SETX: variants seen among roughly 807,000 people sequenced by gnomAD.
SETX encodes the protein senataxin, also known as helicase senataxin.
Under a neutral mutation model 227.2 loss-of-function variants are expected in SETX, and 90 were observed. The observed-to-expected ratio is 0.40, with a 90% CI of 0.33 to 0.47. The LOEUF is 0.47. Among genes scored for constraint, SETX ranks in the 20% least tolerant of loss-of-function variants. The probability of loss-of-function intolerance (pLI) is 0.91; values close to 1 mark genes in which losing one functional copy is unlikely to be tolerated. For synonymous variants in SETX, 1,210 were observed against 1,113.2 expected (o/e 1.09, Z -1.73); for missense variants, 3,052 against 3,181.5 (o/e 0.96, Z 0.98).
intron 5 of SETX, among the ~76,000 whole-genome samples, chr9:132,338,471 G>A (rs1425548345): frequency 6.6e-6 from 1 of 152,138 alleles, no homozygotes; most frequent in African/African-American, 2.4e-5. Flanking sequence ...ACAATGAAAT[G>A]TTCCAGATTA....
chr9:132,307,047 A>C (rs1013339582), intron 11 of SETX, among the ~76,000 whole-genome samples: 2 of 152,148 alleles, frequency 1.3e-5, no homozygotes, highest in African/African-American at 4.8e-5. Context: ...CTGAGGTCAG[A>C]AGTTCAAGAC....
In SETX at chr9:132,286,301, C is replaced by G. The variant is rs116926815; in HGVS notation, c.6396+122G>C. ...TGCCACTGCACCCCAGCCTGAGAGA[C>G]AGAGTGAGACTCTGTCTCCAAAATA... On this transcript the variant is annotated intron_variant, in intron 18 of 25. Coordinates refer to ENST00000224140, the MANE Select transcript of SETX (RefSeq NM_015046.7). The G allele has an allele frequency of 2.9e-3, 2,090 of 717,844 alleles. 54 individuals carry two copies. The East Asian group carries it at 0.042, about 14-fold the overall frequency. 44.5% of individuals were successfully genotyped at this position (717,844 alleles called of 1,614,324 possible). A position where few individuals can be genotyped will look rare whatever the true frequency, so the allele number is the denominator to read the frequency against.
At chr9:132,334,537 G>A (rs995938499) in intron 7 of SETX, 71 bp downstream of exon 7, 1 of 1,532,166 alleles carries the variant, frequency 6.5e-7, no homozygotes, top group East Asian at 2.2e-5. Context: ...AATTCCTGCA[G>A]TGACACTATC....
chr9:132,330,924 G>A (rs1034780009), intron 9 of SETX, 128 bp downstream of exon 9: 9 of 758,520 alleles, frequency 1.2e-5, no homozygotes, highest in South Asian at 4.4e-5. Context: ...AATGAGAAGG[G>A]CTTTTACATA....
chr9:132,330,049 T>C lies in SETX; in HGVS notation c.1549A>G (p.Met517Val), dbSNP rs762923848. The C allele has an allele frequency of 6.2e-6, 10 of 1,614,136 alleles. No individual in the cohort carries two copies. The highest frequency in any genetic ancestry group is 1.7e-5 in the Admixed American group (1 of 60,014). ...GAATGCAATGACAGTGAAGATATCA[T>C]TGCTGTTCCTTTGGAGCAATTTCCA... ...SSGNCSKGTA[M>V]ISSLSLHSMP... The change falls in exon 10 of 26, where the codon ATG becomes GTG. Residue 517 changes from methionine to valine, a missense_variant. By Grantham distance (21) the Met-to-Val change is conservative (BLOSUM62 1). This residue lies in a region of SETX where 179 missense variants were observed against 197.1 expected (regional missense o/e 0.91). Transcript: ENST00000224140.
At chr9:132,286,277 G>T in intron 18 of SETX, 146 bp downstream of exon 18, 1 of 632,836 alleles carries the variant, frequency 1.6e-6, no homozygotes. Context: ...CTGAGATCAT[G>T]CCACTGCACC....
chr9:132,299,352 G>C (rs1176572966), intron 12 of SETX, among the ~76,000 whole-genome samples: 1 of 152,200 alleles, frequency 6.6e-6, no homozygotes, highest in Non-Finnish European at 1.5e-5. Flanking sequence ...TTTGATCTAT[G>C]AGGAGTTCAG....
intron 11 of SETX, among the ~76,000 whole-genome samples, chr9:132,308,722 G>A (rs952052202): frequency 6.6e-6 from 1 of 152,056 alleles, no homozygotes; most frequent in Non-Finnish European, 1.5e-5. Flanking sequence ...AATAACTGAA[G>A]ATATATACCT....
At chr9:132,323,237 T>C (rs1361271775) in intron 10 of SETX, among the ~76,000 whole-genome samples, 5 of 152,144 alleles carry the variant, frequency 3.3e-5, no homozygotes, top group Non-Finnish European at 7.3e-5. Flanking sequence ...AGAACAAATT[T>C]ATAGATTAAC....
chr9:132,331,835 C>G (rs1278300531), intron 7 of SETX, among the ~76,000 whole-genome samples: 1 of 152,074 alleles, frequency 6.6e-6, no homozygotes, highest in African/African-American at 2.4e-5. Context: ...CCTCCAATAA[C>G]TAACAGAAAA....
intron 22 of SETX, 95 bp from the exon 23 acceptor site, chr9:132,275,515 T>C (rs2131168420): frequency 9.1e-7 from 1 of 1,098,766 alleles, no homozygotes; most frequent in Non-Finnish European, 1.3e-6. Flanking sequence ...CCCATTATAG[T>C]AAAGGGCAGG....
chr9:132,333,387 A>C (rs1437561123), intron 7 of SETX, among the ~76,000 whole-genome samples: 2 of 50,044 alleles, frequency 4.0e-5, no homozygotes, highest in Non-Finnish European at 7.8e-5. Context: ...CAAAAAGAAA[A>C]AAAAAAAAAA....
intron 10 of SETX, among the ~76,000 whole-genome samples, chr9:132,317,665 G>C (rs573649844): frequency 6.7e-6 from 1 of 150,132 alleles, no homozygotes; most frequent in African/African-American, 2.5e-5. Context: ...GTCTCACTTT[G>C]TTGTCCAGGC....
At chr9:132,289,703 CCA>C (rs1274648092) in intron 15 of SETX, among the ~76,000 whole-genome samples, 1 of 152,124 alleles carries the variant, frequency 6.6e-6, no homozygotes, top group Non-Finnish European at 1.5e-5. Flanking sequence ...AAACTATGTT[CCA>C]CATCACCTTG....
At chr9:132,276,947 C>T (rs770312858) in intron 22 of SETX, 113 bp downstream of exon 22, 2 of 896,294 alleles carry the variant, frequency 2.2e-6, no homozygotes, top group Non-Finnish European at 3.6e-6. Context: ...CATGACTGTG[C>T]CCTGACACTA....
At chr9:132,330,925 C>G in intron 9 of SETX, 127 bp downstream of exon 9, 1 of 766,778 alleles carries the variant, frequency 1.3e-6, no homozygotes, top group Admixed American at 2.0e-5. Context: ...ATGAGAAGGG[C>G]TTTTACATAG....
intron 11 of SETX, among the ~76,000 whole-genome samples, chr9:132,301,616 A>ATGTT (rs1845000688): frequency 6.6e-6 from 1 of 152,184 alleles, no homozygotes; most frequent in South Asian, 2.1e-4. Context: ...TACAGTATTC[A>ATGTT]ATACGGTAAC....
At chr9:132,323,941 T>G (rs2131410177) in intron 10 of SETX, among the ~76,000 whole-genome samples, 1 of 152,042 alleles carries the variant, frequency 6.6e-6, no homozygotes, top group Admixed American at 6.6e-5. Flanking sequence ...GGAAAGAAAT[T>G]TCCAAAGGAC....
chr9:132,336,220 G>T, intron 6 of SETX, 76 bp downstream of exon 6: 1 of 1,170,088 alleles, frequency 8.5e-7, no homozygotes. Context: ...TCCAGCCTGG[G>T]CAACAGAGTG....
Sources: gnomAD v4.1 joint callset for allele counts (sites outside exome capture counted in the v4.1 genomes callset) on GRCh38, gnomAD v4.1.1 for gene constraint, gnomAD v4.1.1 regional missense constraint, MANE v1.5 for transcripts, NCBI Gene and HGNC (gene_info 2026-07-23, HGNC 2026-07-21) for gene names.